PCDHGA2: variants seen among roughly 807,000 people sequenced by gnomAD.
The protein encoded by PCDHGA2 is protocadherin gamma subfamily A, 2, also known as protocadherin gamma-A2.
Under a neutral mutation model 59.2 loss-of-function variants are expected in PCDHGA2, and 40 were observed. The observed-to-expected ratio is 0.68, with a 90% CI of 0.52 to 0.88. The LOEUF (loss-of-function observed/expected upper bound fraction) is 0.88, where lower values mean the gene tolerates loss of function less well. PCDHGA2 is among the 40% of genes least tolerant of loss of function. The probability of loss-of-function intolerance (pLI) is 0.00; values close to 1 mark genes in which losing one functional copy is unlikely to be tolerated. For missense variants in PCDHGA2, 1,226 were observed against 1,204.0 expected, an observed-to-expected ratio of 1.02 and a Z score of -0.27; for synonymous variants, 560 against 526.0, an observed-to-expected ratio of 1.06 and a Z score of -0.89.
chr5:141,480,145 C>A (rs1331658762), intron 1 of PCDHGA2, among the ~76,000 whole-genome samples: 1 of 151,968 alleles, frequency 6.6e-6, no homozygotes, highest in Non-Finnish European at 1.5e-5. Context: ...CAATTATTAG[C>A]CAGCTCCTAG....
chr5:141,394,493 C>T (rs749651115), intron 1 of PCDHGA2: 2 of 1,614,222 alleles, frequency 1.2e-6, no homozygotes, highest in Non-Finnish European at 1.7e-6. Flanking sequence ...ACAACGCGCC[C>T]GAGATCCTGT....
chr5:141,346,818 C>T (rs1757810674), intron 1 of PCDHGA2, among the ~76,000 whole-genome samples: 3 of 152,174 alleles, frequency 2.0e-5, no homozygotes, highest in African/African-American at 7.2e-5. Context: ...GGTTTGTATA[C>T]CTGTGATAAA....
intron 1 of PCDHGA2, chr5:141,428,087 G>A (rs2097108117): frequency 6.2e-7 from 1 of 1,609,106 alleles, no homozygotes; most frequent in Non-Finnish European, 8.5e-7. Context: ...ACAACGCTTG[G>A]CTGTCCTACC....
Position 141,438,593 on chromosome 5 carries a change from T to TAC in PCDHGA2, c.2425-56213_2425-56212insCA, listed in dbSNP as rs1414976871. Reference sequence around the variant, plus strand: ...TGATATACATACATACATACATACATATATATATATATATATATATATATA... The same window carrying TAC: ...TGATATACATACATACATACATACATACATATATATATATATATATATATATA... On this transcript the variant is annotated intron_variant, in intron 1 of 3. Transcript: ENST00000394576. Among the ~76,000 whole-genome samples the TAC allele has an allele frequency of 1.6e-3, 115 of 73,944 alleles. 1 individual carries two copies. The highest frequency in any genetic ancestry group is 2.9e-3 in the African/African-American group (63 of 21,786). The allele number at this position is 73,944 out of a possible 152,430, so 48.5% of individuals were successfully genotyped here. A position where few individuals can be genotyped will look rare whatever the true frequency, so the allele number is the denominator to read the frequency against.
At chr5:141,496,838 T>C (rs182118142) in intron 2 of PCDHGA2, among the ~76,000 whole-genome samples, 39 of 150,790 alleles carry the variant, frequency 2.6e-4, no homozygotes, top group African/African-American at 8.3e-4. Flanking sequence ...CCAGAACTCA[T>C]AGGCTTCCAG....
chr5:141,385,020 C>T, intron 1 of PCDHGA2: 3 of 1,614,168 alleles, frequency 1.9e-6, no homozygotes, highest in Non-Finnish European at 2.5e-6. Flanking sequence ...TCCTAGCCTT[C>T]GTCCTCGTAC....
rs1554073405 is a variant in PCDHGA2 at position 141,347,137 on chromosome 5, C to CTTTCTTTCTTTCTT, written c.2424+5743_2424+5744insTTCTTTCTTTCTTT. 2.6e-5 allele frequency among the ~76,000 whole-genome samples: 3 copies of CTTTCTTTCTTTCTT among 113,834 alleles called. No individual in the cohort carries two copies. In the South Asian group the frequency reaches 9.4e-4, roughly 36 times the overall value. 74.7% of individuals were successfully genotyped at this position (113,834 alleles called of 152,430 possible). On this transcript the variant is annotated intron_variant, in intron 1 of 3. Transcript: ENST00000394576. ...CTCCTTCCTTCCTTCCTCTGTTTCTCTCTTTCTTTCTTTCTTTCTTTCTTT... is the reference window on the plus strand; with the variant it reads ...CTCCTTCCTTCCTTCCTCTGTTTCTCTTTCTTTCTTTCTTTCTTTCTTTCTTTCTTTCTTTCTTT...
rs746903142 is a variant in PCDHGA2, at chr5:141,491,667, G to T, written c.2425-3140G>T. ...TGGCGCTGGAGCCTGACGCCATCCG[G>T]TCCCGCTCTAATACGCTGCGGGAGC... On this transcript the variant is annotated intron_variant, in intron 1 of 3. Coordinates refer to ENST00000394576, the MANE Select transcript of PCDHGA2 (RefSeq NM_018915.4). The surrounding 1 kb of genome is among the most constrained non-coding windows in gnomAD (Gnocchi z 6.9). 1.9e-6 allele frequency: 3 copies of T among 1,613,794 alleles called. No individual in the cohort carries two copies. Among genetic ancestry groups the T allele is most frequent in the Admixed American group, 1.7e-5 (1 of 60,032 alleles).
At chr5:141,460,926 G>A (rs1180507724) in intron 1 of PCDHGA2, among the ~76,000 whole-genome samples, 4 of 145,540 alleles carry the variant, frequency 2.7e-5, no homozygotes, top group African/African-American at 2.6e-5. Flanking sequence ...ATATATATAT[G>A]TGTGTGTGTA....
intron 1 of PCDHGA2, chr5:141,409,246 C>A (rs771759898): frequency 1.2e-6 from 2 of 1,614,032 alleles, no homozygotes; most frequent in Admixed American, 3.3e-5. Context: ...CAGAAATAAT[C>A]ATCACTTCTC....
intron 1 of PCDHGA2, chr5:141,428,221 G>A (rs1314522513): frequency 5.9e-6 from 7 of 1,177,278 alleles, no homozygotes; most frequent in Non-Finnish European, 8.6e-6. Context: ...CCTAGTCTTC[G>A]CAGACAGCCT....
At chr5:141,345,554 C>G (rs773101076) in intron 1 of PCDHGA2, 2 of 1,614,226 alleles carry the variant, frequency 1.2e-6, no homozygotes, top group Non-Finnish European at 1.7e-6. Flanking sequence ...TCGTCTCTAT[C>G]AACTCCAACA....
chr5:141,399,478 G>A, intron 1 of PCDHGA2: 2 of 1,614,012 alleles, frequency 1.2e-6, no homozygotes, highest in East Asian at 2.2e-5. Flanking sequence ...TTTCCACCAG[G>A]CGTCCTACTT....
Position 141,339,209 on chromosome 5 carries a change from C to T in PCDHGA2, c.238C>T (p.Arg80Ter). ...GRSQLFALNP[R>*]SGSLVTANRI... ...GTCCCAGCTCTTTGCTCTGAACCCG[C>T]GAAGCGGCAGCTTGGTCACTGCGAA... Residue 80 changes from arginine (R) to a stop codon, truncating the protein, a stop_gained, in exon 1 of 4, where the codon CGA (arginine) becomes TGA (stop). Coordinates refer to ENST00000394576, the MANE Select transcript of PCDHGA2 (RefSeq NM_018915.4). LOFTEE classifies it high-confidence loss of function. 1.2e-6 allele frequency: 2 copies of T among 1,614,106 alleles called. No homozygotes were observed. The highest frequency in any genetic ancestry group is 1.7e-5 in the Admixed American group (1 of 60,002).
At position 141,491,660 on chromosome 5, in the gene PCDHGA2, C is replaced by G; in HGVS notation, c.2425-3147C>G. 6.2e-7 allele frequency: 1 copy of G among 1,613,810 alleles called. No individual in the cohort carries two copies. ...ACAGCTCTGGCGCTGGAGCCTGACG[C>G]CATCCGGTCCCGCTCTAATACGCTG... is the stretch of plus-strand genomic sequence containing the variant. On this transcript the variant is annotated intron_variant, in intron 1 of 3. Transcript: ENST00000394576. The surrounding 1 kb of genome is among the most constrained non-coding windows in gnomAD (Gnocchi z 6.9).
chr5:141,403,021 A>G (rs1367554344), intron 1 of PCDHGA2: 2 of 1,613,944 alleles, frequency 1.2e-6, no homozygotes, highest in African/African-American at 1.3e-5. Flanking sequence ...TGGGGATGCT[A>G]TGGGAGGCCA....
Position 141,490,162 on chromosome 5 carries a change from A to C in PCDHGA2, c.2425-4645A>C. ...TGGGGCAATCCATGTGTTGGGTCCC[A>C]TAGACTTTGAGGAGTCACGTTTCTA... On this transcript the variant is annotated intron_variant, in intron 1 of 3. Coordinates refer to ENST00000394576, the MANE Select transcript of PCDHGA2 (RefSeq NM_018915.4). The surrounding 1 kb of genome is among the most constrained non-coding windows in gnomAD (Gnocchi z 5.4). The C allele has an allele frequency of 6.2e-7, 1 of 1,614,218 alleles. No individual in the cohort carries two copies. The highest frequency in any genetic ancestry group is 8.5e-7 in the Non-Finnish European group (1 of 1,180,028).
intron 1 of PCDHGA2, among the ~76,000 whole-genome samples, chr5:141,397,772 A>G (rs1352118170): frequency 6.6e-6 from 1 of 152,238 alleles, no homozygotes; most frequent in Non-Finnish European, 1.5e-5. Context: ...TATTAAGTAT[A>G]TGGACGTAAA....
At chr5:141,362,774 C>T (rs1265004246) in intron 1 of PCDHGA2, 13 of 610,680 alleles carry the variant, frequency 2.1e-5, no homozygotes, top group Non-Finnish European at 3.3e-5. Context: ...AGATATTGCA[C>T]TGTATTTCTT....
Sources: allele counts gnomAD v4.1 joint callset (sites outside exome capture counted in the v4.1 genomes callset), GRCh38; gene constraint gnomAD v4.1.1; non-coding constraint Gnocchi (gnomAD v3.1); transcripts MANE v1.5; gene names NCBI Gene and HGNC (gene_info 2026-07-23, HGNC 2026-07-21).